Variants in CHST11 observed in about 807,000 individuals in gnomAD.
The protein encoded by CHST11 is carbohydrate sulfotransferase 11, also known as C4S-1.
In CHST11, 9 loss-of-function variants were observed where a neutral mutation model predicts 30.4. The observed-to-expected ratio is 0.30, with a 90% confidence interval of 0.18 to 0.52. The LOEUF (loss-of-function observed/expected upper bound fraction) is 0.52. Ranked by LOEUF, CHST11 falls within the 20% of genes least tolerant of loss-of-function variation. The pLI, the probability that CHST11 is intolerant of heterozygous loss-of-function variation, is 0.97. For missense variants in CHST11, 348 were observed against 460.6 expected, an observed-to-expected ratio of 0.76 and a Z score of 2.24; for synonymous variants, 152 against 187.8, an observed-to-expected ratio of 0.81 and a Z score of 1.56.
chr12:104,736,218 C>T (rs1203379153), intron 2 of CHST11, among the ~76,000 whole-genome samples: 1 of 152,150 alleles, frequency 6.6e-6, no homozygotes, highest in Non-Finnish European at 1.5e-5. Flanking sequence ...AAGATACCAT[C>T]CCTGTGCCTA....
chr12:104,669,172 C>T (rs1056152835), intron 2 of CHST11, among the ~76,000 whole-genome samples: 4 of 152,146 alleles, frequency 2.6e-5, no homozygotes, highest in African/African-American at 9.7e-5. Context: ...GGTGAATGTT[C>T]CCGGGCAGCC....
chr12:104,652,129 C>T (rs1419606734), intron 2 of CHST11, among the ~76,000 whole-genome samples: 2 of 152,186 alleles, frequency 1.3e-5, no homozygotes, highest in Non-Finnish European at 2.9e-5. Context: ...ACGTTCCATC[C>T]TTCCCACCCA....
At chr12:104,753,494 A>T (rs1049872227) in intron 2 of CHST11, among the ~76,000 whole-genome samples, 7 of 152,252 alleles carry the variant, frequency 4.6e-5, no homozygotes. Context: ...ATTTCTTGGC[A>T]TATGCCTAGT....
At chr12:104,551,219 G>A (rs183621234) in intron 1 of CHST11, among the ~76,000 whole-genome samples, 91 of 152,270 alleles carry the variant, frequency 6.0e-4, no homozygotes, top group African/African-American at 2.1e-3. Context: ...ACTTTCGACA[G>A]GAAAAATTAA....
chr12:104,524,039 CTTTTT>C (rs10594720), intron 1 of CHST11, among the ~76,000 whole-genome samples: 13 of 128,026 alleles, frequency 1.0e-4, no homozygotes, highest in East Asian at 4.5e-4. Flanking sequence ...TTCTTTCTTT[CTTTTT>C]TTTTTTTTTT....
At chr12:104,460,508 A>G (rs533245316) in intron 1 of CHST11, among the ~76,000 whole-genome samples, 16 of 152,084 alleles carry the variant, frequency 1.1e-4, no homozygotes, top group Non-Finnish European at 2.2e-4. Flanking sequence ...TACTAAAAAT[A>G]CAAAAATTAG....
chr12:104,701,272 A>T (rs2039988807), intron 2 of CHST11, among the ~76,000 whole-genome samples: 2 of 152,210 alleles, frequency 1.3e-5, no homozygotes, highest in African/African-American at 4.8e-5. Context: ...CTACTGACTC[A>T]GTTCTCTCCA....
intron 2 of CHST11, among the ~76,000 whole-genome samples, chr12:104,708,329 G>A (rs1461477257): frequency 2.0e-5 from 3 of 152,174 alleles, no homozygotes; most frequent in South Asian, 2.1e-4. Context: ...CCTCCTTCCC[G>A]GGGGCGGCTG....
intron 1 of CHST11, among the ~76,000 whole-genome samples, chr12:104,536,344 C>A (rs543362655): frequency 6.6e-6 from 1 of 152,312 alleles, no homozygotes; most frequent in African/African-American, 2.4e-5. Context: ...TAGAACTGCC[C>A]ATGAGTCGAT....
At chr12:104,489,263 C>A (rs1431625542) in intron 1 of CHST11, among the ~76,000 whole-genome samples, 1 of 152,012 alleles carries the variant, frequency 6.6e-6, no homozygotes, top group Non-Finnish European at 1.5e-5. Context: ...TCTCGGACTC[C>A]TGACCTCAGG....
chr12:104,583,041 G>T (rs1592776423), intron 1 of CHST11, among the ~76,000 whole-genome samples: 1 of 151,952 alleles, frequency 6.6e-6, no homozygotes, highest in East Asian at 1.9e-4. Flanking sequence ...AAATAGACCT[G>T]CCTGGCCAAC....
intron 1 of CHST11, among the ~76,000 whole-genome samples, chr12:104,534,849 T>C (rs2038221565): frequency 6.6e-6 from 1 of 152,254 alleles, no homozygotes; most frequent in African/African-American, 2.4e-5. Flanking sequence ...TAGAAATCTT[T>C]TTATTTCATC....
At chr12:104,674,307 G>A (rs1236839812) in intron 2 of CHST11, among the ~76,000 whole-genome samples, 2 of 152,092 alleles carry the variant, frequency 1.3e-5, no homozygotes, top group East Asian at 1.9e-4. Flanking sequence ...CTAATTCTAC[G>A]ACAACCAGTG....
intron 2 of CHST11, among the ~76,000 whole-genome samples, chr12:104,633,845 A>T (rs2039296832): frequency 6.6e-6 from 1 of 152,058 alleles, no homozygotes; most frequent in Admixed American, 6.5e-5. Context: ...TCTGTCCCAC[A>T]GCTGCATCTT....
chr12:104,514,495 G>A, intron 1 of CHST11: 1 of 667,250 alleles, frequency 1.5e-6, no homozygotes, highest in South Asian at 1.6e-5. Context: ...ACCATTACTG[G>A]TGCTGGGATG....
At chr12:104,574,823 A>C (rs1390277094) in intron 1 of CHST11, among the ~76,000 whole-genome samples, 1 of 151,598 alleles carries the variant, frequency 6.6e-6, no homozygotes, top group Non-Finnish European at 1.5e-5. Context: ...AAACCTGTAC[A>C]TTGTGCACAT....
chr12:104,698,352 C>T (rs2039964689), intron 2 of CHST11, among the ~76,000 whole-genome samples: 3 of 152,200 alleles, frequency 2.0e-5, no homozygotes, highest in Non-Finnish European at 2.9e-5. Context: ...TGTTCCCTGT[C>T]TCTACTTGTG....
At chr12:104,651,009 A>G (rs781300101) in intron 2 of CHST11, among the ~76,000 whole-genome samples, 1 of 152,220 alleles carries the variant, frequency 6.6e-6, no homozygotes, top group Non-Finnish European at 1.5e-5. Context: ...AGCACATAGT[A>G]TTTATTAGTC....
chr12:104,509,291 G>T, intron 1 of CHST11, among the ~76,000 whole-genome samples: 1 of 152,186 alleles, frequency 6.6e-6, no homozygotes, highest in Middle Eastern at 3.2e-3. Flanking sequence ...CACCATGATT[G>T]TGAGGTTTCC....
Sources: allele counts gnomAD v4.1 joint callset (sites outside exome capture counted in the v4.1 genomes callset), GRCh38; gene constraint gnomAD v4.1.1; transcripts MANE v1.5; gene names NCBI Gene and HGNC (gene_info 2026-07-23, HGNC 2026-07-21).